The following TNKS variants were observed in gnomAD, a reference collection of about 807,000 sequenced individuals.
The protein encoded by TNKS is poly [ADP-ribose] polymerase tankyrase-1.
TNKS carries 72 observed loss-of-function variants against 135.8 expected under a neutral mutation model. The ratio of observed to expected loss-of-function variants is 0.53; its 90% CI spans 0.44 to 0.64. TNKS has a LOEUF of 0.64. Among genes scored for constraint, TNKS ranks in the 30% least tolerant of loss-of-function variants. The pLI is 0.00. For missense variants in TNKS, 1,769 were observed against 1,674.0 expected, an observed-to-expected ratio of 1.06 and a Z score of -0.99; for synonymous variants, 849 against 649.3, an observed-to-expected ratio of 1.31 and a Z score of -4.68.
At chr8:9,696,084 A>G (rs1803503680) in intron 5 of TNKS, among the ~76,000 whole-genome samples, 1 of 152,236 alleles carries the variant, frequency 6.6e-6, no homozygotes, top group East Asian at 1.9e-4. Context: ...TATGGAAGTT[A>G]GCAAAGAGGA....
At chr8:9,729,678 A>G (rs1805330276) in intron 13 of TNKS, among the ~76,000 whole-genome samples, 1 of 152,104 alleles carries the variant, frequency 6.6e-6, no homozygotes, top group Admixed American at 6.5e-5. Flanking sequence ...ATTTATCTGT[A>G]AAGTTAATTT....
At chr8:9,578,515 C>G (rs1320180387) in intron 1 of TNKS, among the ~76,000 whole-genome samples, 1 of 152,184 alleles carries the variant, frequency 6.6e-6, no homozygotes, top group Non-Finnish European at 1.5e-5. Context: ...AAACCTCATT[C>G]TGACTTTGTA....
At chr8:9,573,238 A>G (rs954769727) in intron 1 of TNKS, among the ~76,000 whole-genome samples, 1 of 152,224 alleles carries the variant, frequency 6.6e-6, no homozygotes, top group Admixed American at 6.5e-5. Flanking sequence ...GCAAAGAATG[A>G]TTGGTGAATC....
At chr8:9,567,080 C>T (rs1321802785) in intron 1 of TNKS, among the ~76,000 whole-genome samples, 2 of 152,142 alleles carry the variant, frequency 1.3e-5, no homozygotes, top group African/African-American at 2.4e-5. Context: ...TGTAATCTGA[C>T]GATTCTTACT....
chr8:9,557,215 C>CACTATA (rs1815357490), intron 1 of TNKS: 1 of 152,546 alleles, frequency 6.6e-6, no homozygotes, highest in South Asian at 2.1e-4. Context: ...GAAATATAGG[C>CACTATA]TTTGATGTTG....
intron 5 of TNKS, among the ~76,000 whole-genome samples, chr8:9,681,631 T>C (rs948631221): frequency 6.6e-6 from 1 of 152,152 alleles, no homozygotes; most frequent in Admixed American, 6.5e-5. Context: ...AGGAAAATTG[T>C]ATGTCTGATA....
chr8:9,684,921 G>T (rs1017961597), intron 5 of TNKS, among the ~76,000 whole-genome samples: 15 of 152,258 alleles, frequency 9.9e-5, no homozygotes, highest in Middle Eastern at 6.8e-3. Context: ...CGGTGATACA[G>T]TTATAAAGTG....
At chr8:9,674,776 G>A (rs1484386366) in intron 3 of TNKS, among the ~76,000 whole-genome samples, 2 of 152,164 alleles carry the variant, frequency 1.3e-5, no homozygotes, top group African/African-American at 2.4e-5. Context: ...CAGGAGACAA[G>A]GAAAGGGTCT....
intron 1 of TNKS, among the ~76,000 whole-genome samples, chr8:9,565,416 T>G (rs13265363): frequency 0.17 from 26,074 of 152,146 alleles, 2,586 homozygotes; most frequent in Admixed American, 0.25. Flanking sequence ...TTTTTCTTCT[T>G]TGGTATATTT....
At chr8:9,612,841 A>C (rs1011090903) in intron 2 of TNKS, among the ~76,000 whole-genome samples, 2 of 137,932 alleles carry the variant, frequency 1.4e-5, no homozygotes, top group Non-Finnish European at 3.1e-5. Flanking sequence ...TAACATAAAC[A>C]GTCAACACTT....
At chr8:9,571,004 A>T (rs1480505820) in intron 1 of TNKS, among the ~76,000 whole-genome samples, 1 of 152,192 alleles carries the variant, frequency 6.6e-6, no homozygotes, top group Non-Finnish European at 1.5e-5. Flanking sequence ...ACCATTAAAA[A>T]TGGAGGTAGA....
intron 1 of TNKS, among the ~76,000 whole-genome samples, chr8:9,578,659 T>C (rs1798049127): frequency 6.6e-6 from 1 of 152,210 alleles, no homozygotes; most frequent in African/African-American, 2.4e-5. Flanking sequence ...CCTTACTCTT[T>C]TCCACATGGT....
In TNKS at chr8:9,638,439, T is replaced by C. The variant is rs116108373; in HGVS notation, c.994+22762T>C. 5.8e-3 allele frequency among the ~76,000 whole-genome samples: 883 copies of C among 152,356 alleles called. 5 individuals are homozygous for C. The highest frequency in any genetic ancestry group is 0.018 in the African/African-American group (755 of 41,578). ...TTGGAACTAAAAATCTTCTGTTTTC[T>C]GGAGAAGAAAACAGCTATGCCCATG... On this transcript the variant is annotated intron_variant, in intron 3 of 26. Transcript: ENST00000310430.
chr8:9,656,611 C>CTTTTT lies in TNKS; in HGVS notation c.995-23329_995-23325dup, dbSNP rs71201960. Among the ~76,000 whole-genome samples the CTTTTT allele has an allele frequency of 9.8e-3, 1,343 of 136,420 alleles. 13 individuals are homozygous for CTTTTT. Among genetic ancestry groups the CTTTTT allele is most frequent in the African/African-American group, 0.021 (724 of 35,066 alleles). The allele number at this position is 136,420 out of a possible 152,430, so 89.5% of individuals were successfully genotyped here. On this transcript the variant is annotated intron_variant, in intron 3 of 26. Transcript: ENST00000310430. ...CAACATTCTTAAAGAAAAGAATTTT[C>CTTTTT]TTTTTTTTTTTTTTTAATTTATTTT...
chr8:9,757,622 A>T (rs1005272170), intron 20 of TNKS, among the ~76,000 whole-genome samples: 10 of 152,092 alleles, frequency 6.6e-5, no homozygotes, highest in African/African-American at 2.4e-4. Flanking sequence ...GGTCACCTTC[A>T]CGAGAGTTCT....
At chr8:9,583,954 G>A (rs1271684672) in intron 2 of TNKS, among the ~76,000 whole-genome samples, 5 of 151,720 alleles carry the variant, frequency 3.3e-5, no homozygotes, top group Non-Finnish European at 5.9e-5. Context: ...CACGAGGTCA[G>A]GAGATTGAGA....
At chr8:9,735,305 C>G (rs567357240) in intron 16 of TNKS, 72 bp from the exon 17 acceptor site, 1 of 1,387,870 alleles carries the variant, frequency 7.2e-7, no homozygotes, top group African/African-American at 1.4e-5. Flanking sequence ...ATTTTCTGGT[C>G]CTTATTACAT....
chr8:9,643,544 A>T (rs985429056), intron 3 of TNKS, among the ~76,000 whole-genome samples: 5 of 152,144 alleles, frequency 3.3e-5, no homozygotes, highest in African/African-American at 1.2e-4. Flanking sequence ...AGTTTCCAAC[A>T]TACAAACTTG....
intron 2 of TNKS, among the ~76,000 whole-genome samples, chr8:9,593,908 A>G (rs1798678367): frequency 6.6e-6 from 1 of 151,486 alleles, no homozygotes; most frequent in Non-Finnish European, 1.5e-5. Context: ...ATTTTTTGAG[A>G]CGGAGTCTCA....
Sources: allele counts gnomAD v4.1 joint callset (sites outside exome capture counted in the v4.1 genomes callset), GRCh38; gene constraint gnomAD v4.1.1; transcripts MANE v1.5; gene names NCBI Gene and HGNC (gene_info 2026-07-23, HGNC 2026-07-21).